The following PPP6R2 variants were observed in gnomAD, a reference collection of about 807,000 sequenced individuals.
PPP6R2 encodes the protein protein phosphatase 6 regulatory subunit 2.
A neutral mutation model predicts 100.2 loss-of-function variants in PPP6R2; 62 were observed. The observed-to-expected ratio is 0.62, with a 90% CI of 0.50 to 0.76. The LOEUF is 0.76. PPP6R2 is among the 30% of genes least tolerant of loss of function. The probability of loss-of-function intolerance (pLI) is 0.00; values close to 1 mark genes in which losing one functional copy is unlikely to be tolerated. For missense variants in PPP6R2, 1,142 were observed against 1,276.3 expected (o/e 0.89, Z 1.60); for synonymous variants, 525 against 514.7 (o/e 1.02, Z -0.27).
chr22:50,376,016 A>G (rs112862937), intron 2 of PPP6R2, among the ~76,000 whole-genome samples: 1 of 151,650 alleles, frequency 6.6e-6, no homozygotes, highest in African/African-American at 2.4e-5. Flanking sequence ...TATTTTTAGT[A>G]AGGACGGGGT....
chr22:50,420,171 G>C (rs992315471), intron 8 of PPP6R2, among the ~76,000 whole-genome samples: 1 of 152,192 alleles, frequency 6.6e-6, no homozygotes, highest in Non-Finnish European at 1.5e-5. Flanking sequence ...CCAGTGCCTC[G>C]GGGCTCACAA....
intron 15 of PPP6R2, 39 bp from the exon 16 acceptor site, chr22:50,437,467 C>T (rs372754159): frequency 3.9e-6 from 5 of 1,277,174 alleles, no homozygotes; most frequent in Admixed American, 3.4e-5. Context: ...CCTCCATGAC[C>T]GGTGTCTGTC....
chr22:50,371,118 C>T (rs1294255477), intron 1 of PPP6R2, among the ~76,000 whole-genome samples: 1 of 152,168 alleles, frequency 6.6e-6, no homozygotes, highest in Non-Finnish European at 1.5e-5. Flanking sequence ...GCCAATTAAA[C>T]ATAATACTCC....
In PPP6R2 at chr22:50,431,079, A is replaced by G; in HGVS notation, c.1126-94A>G. On this transcript the variant is annotated intron_variant, in intron 10 of 23. Coordinates refer to ENST00000612753, the MANE Select transcript of PPP6R2 (RefSeq NM_001242898.2). The surrounding 1 kb of genome is among the most constrained non-coding windows in gnomAD (Gnocchi z 4.8). ...GAGACTGGACTTGTGAGGAGTTAGG[A>G]CGCCACCTTTAGGAAGGGTTTCCCT... 9.6e-7 allele frequency: 1 copy of G among 1,046,676 alleles called. No individual in the cohort carries two copies. The highest frequency in any genetic ancestry group is 1.4e-6 in the Non-Finnish European group (1 of 701,262). The allele number at this position is 1,046,676 out of a possible 1,614,324, so 64.8% of individuals were successfully genotyped here.
the PPP6R2 span, among the ~76,000 whole-genome samples, chr22:50,332,327 AC>A: frequency 4.7e-4 from 69 of 148,334 alleles, no homozygotes; most frequent in African/African-American, 1.7e-3. Context: ...TCCCAGGTTC[AC>A]CCCCCCATTC....
intron 2 of PPP6R2, among the ~76,000 whole-genome samples, chr22:50,389,548 C>CT: frequency 7.2e-6 from 1 of 139,136 alleles, no homozygotes; most frequent in Non-Finnish European, 1.5e-5. Flanking sequence ...CTGATGTGAT[C>CT]TTTTTTTGTT....
intron 12 of PPP6R2, among the ~76,000 whole-genome samples, chr22:50,433,051 TGA>T (rs1182313540): frequency 1.3e-5 from 2 of 152,226 alleles, no homozygotes; most frequent in African/African-American, 2.4e-5. Context: ...TAAAATGGAG[TGA>T]GAGCAGTGTC....
At chr22:50,363,738 A>C (rs2048225458) in intron 1 of PPP6R2, among the ~76,000 whole-genome samples, 1 of 152,162 alleles carries the variant, frequency 6.6e-6, no homozygotes, top group African/African-American at 2.4e-5. Context: ...AGCGTGCTCC[A>C]GGGGGACTTG....
At chr22:50,370,386 C>G (rs1033210612) in intron 1 of PPP6R2, among the ~76,000 whole-genome samples, 2 of 151,964 alleles carry the variant, frequency 1.3e-5, no homozygotes, top group Admixed American at 1.3e-4. Context: ...CTCCCAGGTT[C>G]AAGCAATTCT....
chr22:50,401,575 G>A (rs544961492), intron 3 of PPP6R2, among the ~76,000 whole-genome samples: 6 of 147,672 alleles, frequency 4.1e-5, no homozygotes, highest in African/African-American at 1.3e-4. Flanking sequence ...ACAGTGATGC[G>A]ATCTTGGCTC....
At chr22:50,414,323 G>T (rs376231986) in intron 4 of PPP6R2, among the ~76,000 whole-genome samples, 2 of 87,886 alleles carry the variant, frequency 2.3e-5, no homozygotes, top group South Asian at 4.5e-4. Context: ...AGGGGTCCCT[G>T]TGCAGTGGCC....
intron 2 of PPP6R2, among the ~76,000 whole-genome samples, chr22:50,390,511 A>C (rs1022250624): frequency 1.3e-5 from 2 of 152,092 alleles, no homozygotes; most frequent in Non-Finnish European, 2.9e-5. Flanking sequence ...AAGACGTAAC[A>C]GGCCAGGCGT....
At chr22:50,414,179 A>C (rs1227231372) in intron 4 of PPP6R2, among the ~76,000 whole-genome samples, 5 of 152,102 alleles carry the variant, frequency 3.3e-5, no homozygotes, top group Non-Finnish European at 7.4e-5. Context: ...GATGGCCATC[A>C]GCTCAGCTCA....
intron 2 of PPP6R2, among the ~76,000 whole-genome samples, chr22:50,388,146 G>C (rs2054626872): frequency 6.6e-6 from 1 of 151,230 alleles, no homozygotes. Context: ...AACATGGCAA[G>C]ATGTGGTCTC....
At chr22:50,396,690 C>A (rs1044327618) in intron 3 of PPP6R2, among the ~76,000 whole-genome samples, 2 of 152,126 alleles carry the variant, frequency 1.3e-5, no homozygotes, top group Non-Finnish European at 2.9e-5. Context: ...TCTTTGCTGG[C>A]CTTTGTCTTA....
In PPP6R2 at chr22:50,435,284, G is replaced by A. The variant is rs539546113; in HGVS notation, c.1516+203G>A. ...GTCTCATGTGTCAGTTCTATTGGGC[G>A]GACTTCTGTGGAGACCCTGCCAGGC... On this transcript the variant is annotated intron_variant, in intron 13 of 23. Transcript: ENST00000612753. 6.6e-5 allele frequency among the ~76,000 whole-genome samples: 10 copies of A among 152,338 alleles called. No individual in the cohort carries two copies. In the East Asian group the frequency reaches 7.7e-4, roughly 12 times the overall value.
intron 1 of PPP6R2, among the ~76,000 whole-genome samples, chr22:50,356,305 CTTT>C (rs542422707): frequency 5.2e-5 from 7 of 135,278 alleles, no homozygotes; most frequent in Non-Finnish European, 4.8e-5. Context: ...TCTATTTTTC[CTTT>C]TTTTTTTTTT....
At chr22:50,419,304 G>A (rs1257997611) in intron 7 of PPP6R2, 45 bp from the exon 8 acceptor site, 1 of 1,521,786 alleles carries the variant, frequency 6.6e-7, no homozygotes, top group African/African-American at 1.4e-5. Flanking sequence ...TCCTTTGTGT[G>A]TGTGTCTGCT....
At position 50,432,348 on chromosome 22, in the gene PPP6R2, T is replaced by A; in HGVS notation, c.1400+19T>A. ...ACACGCAGTAAGAGCCGCTCGGACGTGGAGGGACCCAGCCTGGCCAGTCAG... is the reference window on the plus strand; with the variant it reads ...ACACGCAGTAAGAGCCGCTCGGACGAGGAGGGACCCAGCCTGGCCAGTCAG... On this transcript the variant is annotated intron_variant, in intron 12 of 23. Transcript: ENST00000612753. The A allele has an allele frequency of 6.5e-7, 1 of 1,546,132 alleles. No homozygotes were observed. Among genetic ancestry groups the A allele is most frequent in the Non-Finnish European group, 8.7e-7 (1 of 1,144,582 alleles).
Sources: gnomAD v4.1 joint callset for allele counts (sites outside exome capture counted in the v4.1 genomes callset) on GRCh38, gnomAD v4.1.1 for gene constraint, Gnocchi (gnomAD v3.1) non-coding constraint, MANE v1.5 for transcripts, NCBI Gene and HGNC (gene_info 2026-07-23, HGNC 2026-07-21) for gene names.